Variants in SCRN3 observed in about 807,000 individuals in gnomAD.
The protein encoded by SCRN3 is secernin-3.
In SCRN3, 39 loss-of-function variants were observed where a neutral mutation model predicts 43.1. The observed-to-expected ratio is 0.91, with a 90% CI of 0.70 to 1.18. SCRN3 has a LOEUF of 1.18. SCRN3 is among the 50% of genes most tolerant of loss of function. SCRN3 has a pLI of 0.00. For synonymous variants in SCRN3, 147 were observed against 163.1 expected (o/e 0.90, Z 0.75); for missense variants, 484 against 498.0 (o/e 0.97, Z 0.27).
intron 5 of SCRN3, among the ~76,000 whole-genome samples, chr2:174,421,495 A>T (rs1302718716): frequency 6.6e-6 from 1 of 152,206 alleles, no homozygotes; most frequent in Non-Finnish European, 1.5e-5. Flanking sequence ...GCTTTTAGCC[A>T]GTGACTGAGA....
rs78574509 is a variant in SCRN3, at chr2:174,429,526, A to G, written c.*1631A>G. The G allele has an allele frequency of 0.15, 22,423 of 152,052 alleles. 1,761 individuals are homozygous for G. Among genetic ancestry groups the G allele is most frequent in the Middle Eastern group, 0.33 (95 of 292 alleles). 9.4% of individuals were successfully genotyped at this position (152,052 alleles called of 1,614,324 possible). Reference sequence around the variant, plus strand: ...ATTGAACAGAAAGTACAGAGTTCCAATACAGCCCCTATCAGCATACATGCA... The same window carrying G: ...ATTGAACAGAAAGTACAGAGTTCCAGTACAGCCCCTATCAGCATACATGCA... On this transcript the variant is annotated 3_prime_UTR_variant, in exon 8 of 8. Coordinates refer to ENST00000272732, the MANE Select transcript of SCRN3 (RefSeq NM_024583.5).
At position 174,403,916 on chromosome 2, in the gene SCRN3, C is replaced by G. The variant is rs563066482; in HGVS notation, c.542-187C>G. 8.9e-4 allele frequency among the ~76,000 whole-genome samples: 135 copies of G among 152,220 alleles called. No homozygotes were observed. In the South Asian group the frequency reaches 0.012, roughly 13 times the overall value. On this transcript the variant is annotated intron_variant, in intron 4 of 7. Transcript: ENST00000272732. ...TAACTGCATGTGAATCTATAATTAT[C>G]TTAAAATCAGTTTAATTTTAAAAGT...
intron 1 of SCRN3, chr2:174,397,265 G>T: frequency 2.0e-6 from 2 of 983,884 alleles, no homozygotes; most frequent in Non-Finnish European, 2.4e-6. Context: ...CCTGTGTAAA[G>T]CCATTTTAAG....
intron 3 of SCRN3, among the ~76,000 whole-genome samples, chr2:174,400,445 C>A (rs1490102380): frequency 6.6e-6 from 1 of 151,944 alleles, no homozygotes; most frequent in Non-Finnish European, 1.5e-5. Context: ...TGCCACCACA[C>A]CTGGCTAATT....
chr2:174,424,747 A>G, intron 7 of SCRN3, 98 bp downstream of exon 7: 1 of 903,204 alleles, frequency 1.1e-6, no homozygotes, highest in Non-Finnish European at 1.7e-6. Context: ...CCTTCTTATA[A>G]GAAATAGTTT....
chr2:174,404,121 C>CTAATCAA lies in SCRN3; in HGVS notation c.561_567dup (p.Leu190Ter). ...AAAATAGAGGGAGTTCGTAATATTT[C>CTAATCAA]TAATCAACTTTCCATAACAACCAAG... is the stretch of plus-strand genomic sequence containing the variant. On this transcript the variant is annotated frameshift_variant, in exon 5 of 8. Transcript: ENST00000272732. LOFTEE classifies it high-confidence loss of function. 6.2e-7 allele frequency: 1 copy of CTAATCAA among 1,613,348 alleles called. No homozygotes were observed. Among genetic ancestry groups the CTAATCAA allele is most frequent in the Non-Finnish European group, 8.5e-7 (1 of 1,179,558 alleles).
chr2:174,395,984 C>A, intron 1 of SCRN3, 167 bp downstream of exon 1: 1 of 1,379,624 alleles, frequency 7.2e-7, no homozygotes, highest in Non-Finnish European at 9.3e-7. Flanking sequence ...GGCCCTTCGA[C>A]CAAAGGTGCT....
At chr2:174,427,189 C>A (rs1686516334) in intron 7 of SCRN3, among the ~76,000 whole-genome samples, 1 of 152,150 alleles carries the variant, frequency 6.6e-6, no homozygotes, top group Admixed American at 6.6e-5. Flanking sequence ...CATGGTGATT[C>A]ATCAACAATT....
chr2:174,396,607 G>A (rs1447797432), intron 1 of SCRN3, among the ~76,000 whole-genome samples: 1 of 152,074 alleles, frequency 6.6e-6, no homozygotes, highest in East Asian at 1.9e-4. Context: ...GACCAGCCTG[G>A]CCAACATGGT....
At chr2:174,400,253 A>C in intron 3 of SCRN3, 150 bp downstream of exon 3, 1 of 551,256 alleles carries the variant, frequency 1.8e-6, no homozygotes, top group East Asian at 3.4e-5. Context: ...ATGCAATTTC[A>C]TGACTCTCAG....
At chr2:174,398,183 G>A in intron 1 of SCRN3, 92 bp from the exon 2 acceptor site, 1 of 717,054 alleles carries the variant, frequency 1.4e-6, no homozygotes, top group Non-Finnish European at 2.1e-6. Flanking sequence ...ATTAGATATG[G>A]CAATAATATC....
intron 5 of SCRN3, among the ~76,000 whole-genome samples, chr2:174,415,669 A>G (rs965502415): frequency 5.3e-5 from 8 of 152,088 alleles, no homozygotes; most frequent in Non-Finnish European, 8.8e-5. Context: ...TTTTGAGACA[A>G]TGTCTCGATC....
At chr2:174,398,142 A>T (rs1409290189) in intron 1 of SCRN3, 133 bp from the exon 2 acceptor site, 2 of 555,632 alleles carry the variant, frequency 3.6e-6, no homozygotes, top group African/African-American at 4.2e-5. Flanking sequence ...AAATAAAAAT[A>T]AAAAAATCAA....
intron 7 of SCRN3, among the ~76,000 whole-genome samples, chr2:174,425,061 G>A (rs952204056): frequency 1.3e-5 from 2 of 152,050 alleles, no homozygotes; most frequent in African/African-American, 2.4e-5. Flanking sequence ...TCCAAAGAGC[G>A]GTTGACCTGG....
intron 5 of SCRN3, among the ~76,000 whole-genome samples, chr2:174,420,049 A>G (rs1256043954): frequency 2.0e-5 from 3 of 152,146 alleles, no homozygotes; most frequent in Non-Finnish European, 4.4e-5. Flanking sequence ...GAAGACCTTG[A>G]CTTTCTGTGT....
intron 5 of SCRN3, among the ~76,000 whole-genome samples, chr2:174,412,962 G>C (rs62173584): frequency 6.9e-6 from 1 of 144,534 alleles, no homozygotes; most frequent in Non-Finnish European, 1.5e-5. Flanking sequence ...CTGCCTCCCC[G>C]GGTTCAAGCG....
At chr2:174,422,377 C>T (rs1686321438) in intron 5 of SCRN3, among the ~76,000 whole-genome samples, 1 of 152,160 alleles carries the variant, frequency 6.6e-6, no homozygotes, top group South Asian at 2.1e-4. Flanking sequence ...AGTTCAAGAC[C>T]AGCCTGGCCA....
intron 2 of SCRN3, among the ~76,000 whole-genome samples, chr2:174,398,677 C>A (rs945156870): frequency 6.6e-6 from 1 of 152,072 alleles, no homozygotes; most frequent in Non-Finnish European, 1.5e-5. Flanking sequence ...TTTCCATATG[C>A]AAGCATGTTA....
Position 174,398,453 on chromosome 2 carries a change from T to C in SCRN3, c.159+11T>C. 1 of 1,581,248 alleles carries C rather than the reference T, an allele frequency of 6.3e-7. No homozygotes were observed. Among genetic ancestry groups the C allele is most frequent in the Non-Finnish European group, 8.5e-7 (1 of 1,169,894 alleles). ...GGAGAACGTCTTAAGGTAGGTGAAA[T>C]AAATGTTTTGTTAGCAATATGCCTT... On this transcript the variant is annotated intron_variant, in intron 2 of 7. Coordinates refer to ENST00000272732, the MANE Select transcript of SCRN3 (RefSeq NM_024583.5).
Sources: gnomAD v4.1 joint callset for allele counts (sites outside exome capture counted in the v4.1 genomes callset) on GRCh38, gnomAD v4.1.1 for gene constraint, MANE v1.5 for transcripts, NCBI Gene and HGNC (gene_info 2026-07-23, HGNC 2026-07-21) for gene names.